ADGRB3: variants seen among roughly 807,000 people sequenced by gnomAD.
The protein encoded by ADGRB3 is adhesion G protein-coupled receptor B3.
A neutral mutation model predicts 193.4 loss-of-function variants in ADGRB3; 37 were observed. The observed-to-expected ratio is 0.19, with a 90% CI of 0.15 to 0.25. The LOEUF (loss-of-function observed/expected upper bound fraction) is 0.25, where lower values mean the gene tolerates loss of function less well. Ranked by LOEUF, ADGRB3 falls within the 10% of genes least tolerant of loss-of-function variation. ADGRB3 has a pLI of 1.00. For synonymous variants in ADGRB3, 690 were observed against 644.2 expected (o/e 1.07, Z -1.08); for missense variants, 1,637 against 1,852.9 (o/e 0.88, Z 2.14).
chr6:69,308,852 A>G (rs556620511), intron 20 of ADGRB3, among the ~76,000 whole-genome samples: 37 of 151,822 alleles, frequency 2.4e-4, no homozygotes, highest in African/African-American at 8.7e-4. Flanking sequence ...AGGAAAATAG[A>G]AAAAGAATAT....
chr6:68,895,612 T>C (rs1766197580), intron 3 of ADGRB3, among the ~76,000 whole-genome samples: 1 of 152,032 alleles, frequency 6.6e-6, no homozygotes, highest in South Asian at 2.1e-4. Flanking sequence ...TGAAACTTGA[T>C]ATTAGTGAGG....
intron 10 of ADGRB3, among the ~76,000 whole-genome samples, chr6:68,978,519 G>C (rs1326191474): frequency 6.6e-6 from 1 of 151,448 alleles, no homozygotes. Flanking sequence ...GTAAAGTATA[G>C]AATGAATGAA....
intron 20 of ADGRB3, among the ~76,000 whole-genome samples, chr6:69,308,821 A>C (rs1313456299): frequency 6.6e-6 from 1 of 151,650 alleles, no homozygotes; most frequent in Non-Finnish European, 1.5e-5. Context: ...CATCGTGTAA[A>C]CATTCCAGCT....
At chr6:68,781,790 T>C (rs1766858464) in intron 3 of ADGRB3, among the ~76,000 whole-genome samples, 1 of 151,738 alleles carries the variant, frequency 6.6e-6, no homozygotes, top group Non-Finnish European at 1.5e-5. Context: ...GAAGCTGAGG[T>C]ACCTTGTTAG....
intron 3 of ADGRB3, among the ~76,000 whole-genome samples, chr6:68,905,393 T>G (rs569508783): frequency 6.2e-4 from 94 of 152,334 alleles, no homozygotes; most frequent in African/African-American, 2.2e-3. Context: ...ATTCTATTTC[T>G]TACTATATGA....
At chr6:69,349,617 A>G (rs1488445949) in intron 26 of ADGRB3, among the ~76,000 whole-genome samples, 2 of 152,186 alleles carry the variant, frequency 1.3e-5, no homozygotes, top group African/African-American at 4.8e-5. Context: ...ATAGAATTTA[A>G]TGATTATGAA....
chr6:69,055,723 A>G (rs1771525145), intron 15 of ADGRB3, among the ~76,000 whole-genome samples: 1 of 152,076 alleles, frequency 6.6e-6, no homozygotes, highest in Non-Finnish European at 1.5e-5. Flanking sequence ...CAGCTGCACC[A>G]TTTCACATTC....
intron 17 of ADGRB3, among the ~76,000 whole-genome samples, chr6:69,227,354 T>A (rs976915320): frequency 2.0e-5 from 3 of 152,232 alleles, no homozygotes; most frequent in Admixed American, 2.0e-4. Context: ...TAGACCTTTG[T>A]CTTTTACTCT....
intron 3 of ADGRB3, among the ~76,000 whole-genome samples, chr6:68,642,790 T>C (rs978207258): frequency 1.3e-5 from 2 of 151,218 alleles, no homozygotes; most frequent in African/African-American, 4.9e-5. Context: ...CCTCTTAACA[T>C]ATAATGGCTA....
intron 20 of ADGRB3, among the ~76,000 whole-genome samples, chr6:69,256,024 A>G (rs1258664589): frequency 4.0e-5 from 6 of 151,768 alleles, no homozygotes; most frequent in Admixed American, 1.3e-4. Flanking sequence ...GATATGCGGC[A>G]TTATTTCTGA....
chr6:68,653,863 C>A (rs1768430461), intron 3 of ADGRB3, among the ~76,000 whole-genome samples: 1 of 151,682 alleles, frequency 6.6e-6, no homozygotes. Flanking sequence ...CTCTTGTATT[C>A]TTTCGTCTTT....
intron 3 of ADGRB3, among the ~76,000 whole-genome samples, chr6:68,918,989 T>G (rs907821995): frequency 2.6e-5 from 4 of 152,030 alleles, no homozygotes; most frequent in African/African-American, 9.7e-5. Flanking sequence ...TTTCCTCTGG[T>G]CTCATTTTCC....
intron 13 of ADGRB3, among the ~76,000 whole-genome samples, chr6:69,047,400 A>G (rs1300145721): frequency 1.3e-5 from 2 of 150,310 alleles, no homozygotes; most frequent in Non-Finnish European, 3.0e-5. Flanking sequence ...TTTGTATATA[A>G]CTATTAAATA....
chr6:69,354,289 T>C lies in ADGRB3; in HGVS notation c.3516T>C (p.Asp1172=). ...ACTGTCAGGATCCCATCAATGCAGA[T>C]TCTTCGAGTTCGTTTCCTAATGGGC... The part of the protein sequence containing the change: ...LRNCQDPINA[D]SSSSFPNGHA... The change falls in exon 27 of 32, where the codon GAT becomes GAC. Residue 1172 remains aspartate, a synonymous_variant. Transcript: ENST00000370598. The C allele has an allele frequency of 6.2e-7, 1 of 1,614,076 alleles. No homozygotes were observed. The highest frequency in any genetic ancestry group is 8.5e-7 in the Non-Finnish European group (1 of 1,179,962).
At chr6:69,146,234 G>A (rs146916156) in intron 17 of ADGRB3, among the ~76,000 whole-genome samples, 1 of 152,312 alleles carries the variant, frequency 6.6e-6, no homozygotes, top group Non-Finnish European at 1.5e-5. Flanking sequence ...AAATTGGGAG[G>A]AGGCTGGCAT....
chr6:69,033,618 T>C (rs2150294779), intron 13 of ADGRB3, among the ~76,000 whole-genome samples: 1 of 152,268 alleles, frequency 6.6e-6, no homozygotes, highest in South Asian at 2.1e-4. Flanking sequence ...TTTTTTTAAT[T>C]TGGTCTTTTG....
chr6:68,943,314 G>A (rs1344930391), intron 5 of ADGRB3, among the ~76,000 whole-genome samples: 1 of 152,030 alleles, frequency 6.6e-6, no homozygotes, highest in Non-Finnish European at 1.5e-5. Flanking sequence ...TTTCTAAAAT[G>A]TGATGTTAAA....
intron 6 of ADGRB3, among the ~76,000 whole-genome samples, chr6:68,955,516 A>C (rs190100366): frequency 6.6e-6 from 1 of 152,298 alleles, no homozygotes; most frequent in Admixed American, 6.5e-5. Context: ...GAGGCCAGGC[A>C]TAGTGGCTCA....
intron 3 of ADGRB3, among the ~76,000 whole-genome samples, chr6:68,744,335 C>T (rs1220057934): frequency 1.3e-5 from 2 of 151,980 alleles, no homozygotes; most frequent in Non-Finnish European, 2.9e-5. Flanking sequence ...GTGGCAATTC[C>T]TCAAGGATCT....
Sources: gnomAD v4.1 joint callset for allele counts (sites outside exome capture counted in the v4.1 genomes callset) on GRCh38, gnomAD v4.1.1 for gene constraint, MANE v1.5 for transcripts, NCBI Gene and HGNC (gene_info 2026-07-23, HGNC 2026-07-21) for gene names.